POLR1A: variants seen among roughly 807,000 people sequenced by gnomAD.
The protein encoded by POLR1A is RNA polymerase I subunit A.
Under a neutral mutation model 205.3 loss-of-function variants are expected in POLR1A, and 84 were observed. The observed-to-expected ratio is 0.41, with a 90% CI of 0.34 to 0.49. The LOEUF is 0.49. Ranked by LOEUF, POLR1A falls within the 20% of genes least tolerant of loss-of-function variation. The pLI, the probability that POLR1A is intolerant of heterozygous loss-of-function variation, is 0.22. For synonymous variants in POLR1A, 799 were observed against 863.7 expected (o/e 0.93, Z 1.31); for missense variants, 1,645 against 2,204.5 (o/e 0.75, Z 5.08).
rs1690197743 is a variant in POLR1A, at chr2:86,023,591, T to C, written c.*3832A>G. On this transcript the variant is annotated 3_prime_UTR_variant, in exon 34 of 34. Transcript: ENST00000263857. Reference sequence around the variant, plus strand: ...GCTACTATTAACAAGAACAAGGATGTGGAGAAATTGAAATTGTTGTACACC... The same window carrying C: ...GCTACTATTAACAAGAACAAGGATGCGGAGAAATTGAAATTGTTGTACACC... 6.6e-6 allele frequency: 1 copy of C among 152,110 alleles called. No individual in the cohort carries two copies. Among genetic ancestry groups the C allele is most frequent in the African/African-American group, 2.4e-5 (1 of 41,412 alleles). The allele number at this position is 152,110 out of a possible 1,614,324, so 9.4% of individuals were successfully genotyped here. A position where few individuals can be genotyped will look rare whatever the true frequency, so the allele number is the denominator to read the frequency against.
chr2:86,063,217 C>A (rs181542857), intron 14 of POLR1A, among the ~76,000 whole-genome samples: 5 of 151,542 alleles, frequency 3.3e-5, no homozygotes, highest in Admixed American at 6.6e-5. Context: ...TGCTTGTAAT[C>A]CCAGCTACTT....
Position 86,021,187 on chromosome 2 carries a change from T to A in POLR1A, c.*6236A>T, listed in dbSNP as rs1016994797. 6.6e-6 allele frequency: 1 copy of A among 152,264 alleles called. No homozygotes were observed. The highest frequency in any genetic ancestry group is 1.5e-5 in the Non-Finnish European group (1 of 68,056). The allele number at this position is 152,264 out of a possible 1,614,324, so 9.4% of individuals were successfully genotyped here. A position where few individuals can be genotyped will look rare whatever the true frequency, so the allele number is the denominator to read the frequency against. The stretch of plus-strand genomic sequence containing the variant: ...CTGAGGACTGTGGTGTCTGAAACTT[T>A]GTCACATGGGAGGCTACAGGCCCGG... On this transcript the variant is annotated 3_prime_UTR_variant, in exon 34 of 34. Transcript: ENST00000263857.
At chr2:86,036,603 A>G (rs562009157) in intron 27 of POLR1A, among the ~76,000 whole-genome samples, 47 of 152,278 alleles carry the variant, frequency 3.1e-4, no homozygotes, top group African/African-American at 1.1e-3. Flanking sequence ...ACTTCCTCCC[A>G]TTTCCTGTGG....
At chr2:86,102,152 A>G (rs896921848) in intron 1 of POLR1A, among the ~76,000 whole-genome samples, 5 of 152,230 alleles carry the variant, frequency 3.3e-5, no homozygotes, top group African/African-American at 1.2e-4. Flanking sequence ...ATACACATCC[A>G]GAAGTAGAAT....
intron 27 of POLR1A, among the ~76,000 whole-genome samples, chr2:86,034,662 C>T (rs1040463094): frequency 1.3e-5 from 2 of 152,172 alleles, no homozygotes; most frequent in African/African-American, 2.4e-5. Flanking sequence ...GGGTCCCTCA[C>T]ACATCCAGCC....
At chr2:86,045,164 T>C (rs778793319) in intron 21 of POLR1A, 114 bp downstream of exon 21, 1 of 710,072 alleles carries the variant, frequency 1.4e-6, no homozygotes, top group Non-Finnish European at 2.5e-6. Context: ...ATGGAAACTT[T>C]CCAAAAGTTT....
At chr2:86,085,395 A>T (rs1403172860) in intron 6 of POLR1A, among the ~76,000 whole-genome samples, 2 of 152,244 alleles carry the variant, frequency 1.3e-5, no homozygotes, top group Admixed American at 1.3e-4. Context: ...AGAATATTTC[A>T]ATGAGTTAAC....
At chr2:86,067,933 T>C (rs1212065463) in intron 13 of POLR1A, among the ~76,000 whole-genome samples, 12 of 152,220 alleles carry the variant, frequency 7.9e-5, no homozygotes, top group African/African-American at 1.4e-4. Flanking sequence ...TAAGCTTTTT[T>C]CAATAAATTA....
intron 16 of POLR1A, 135 bp downstream of exon 16, chr2:86,052,682 A>C (rs1350781162): frequency 6.1e-6 from 4 of 653,350 alleles, no homozygotes; most frequent in Non-Finnish European, 7.3e-6. Context: ...GGACCTGGAA[A>C]GACTTCTCCA....
chr2:86,096,030 C>T (rs966025863), intron 3 of POLR1A, among the ~76,000 whole-genome samples: 1 of 151,660 alleles, frequency 6.6e-6, no homozygotes, highest in Non-Finnish European at 1.5e-5. Context: ...ACCCAGCCGA[C>T]ATAATCTCAT....
At chr2:86,088,021 C>T (rs1052339758) in intron 6 of POLR1A, among the ~76,000 whole-genome samples, 4 of 152,094 alleles carry the variant, frequency 2.6e-5, no homozygotes, top group Non-Finnish European at 5.9e-5. Context: ...AAGCCTATGA[C>T]TATAAAAATT....
chr2:86,040,581 C>T (rs765693807), intron 24 of POLR1A, 22 bp from the exon 25 acceptor site: 7 of 1,518,358 alleles, frequency 4.6e-6, no homozygotes, highest in Non-Finnish European at 5.3e-6. Flanking sequence ...GGTGGGGGGT[C>T]AGGGTGGGGG....
At chr2:86,063,911 C>A (rs1490922975) in intron 14 of POLR1A, among the ~76,000 whole-genome samples, 1 of 152,214 alleles carries the variant, frequency 6.6e-6, no homozygotes, top group Non-Finnish European at 1.5e-5. Flanking sequence ...TCATCTACTT[C>A]AGAATGCTTT....
Position 86,038,839 on chromosome 2 carries a change from C to T in POLR1A, c.3895G>A (p.Val1299Ile), listed in dbSNP as rs751377255. The T allele has an allele frequency of 8.7e-6, 14 of 1,614,068 alleles. No homozygotes were observed. The highest frequency in any genetic ancestry group is 6.7e-5 in the East Asian group (3 of 44,884). Reference protein sequence around the residue: ...CLGEVLQKIDVQESFCMEEKQ... With the variant: ...CLGEVLQKIDIQESFCMEEKQ... Reference sequence around the variant, plus strand: ...TCTTCCATACAGAAGGACTCCTGGACGTCAATTTTCTGCAACACCTGGAAC... The same window carrying T: ...TCTTCCATACAGAAGGACTCCTGGATGTCAATTTTCTGCAACACCTGGAAC... Residue 1299 changes from valine (V) to isoleucine (I), a missense_variant, in exon 27 of 34, where the codon GTC (valine) becomes ATC (isoleucine). Around this residue, in one of 16 missense-constraint regions of POLR1A, gnomAD observed 394 missense variants for 468.5 expected, o/e 0.84. Transcript: ENST00000263857.
At chr2:86,038,934 C>T (rs1343205077) in intron 26 of POLR1A, 77 bp from the exon 27 acceptor site, 3 of 1,363,700 alleles carry the variant, frequency 2.2e-6, no homozygotes, top group African/African-American at 1.4e-5. Flanking sequence ...GTTACGAGAC[C>T]CAAGGGTTTA....
chr2:86,042,643 C>A (rs900532585), intron 23 of POLR1A, among the ~76,000 whole-genome samples: 4 of 152,220 alleles, frequency 2.6e-5, no homozygotes, highest in Admixed American at 2.6e-4. Context: ...CTCAACCCCC[C>A]TCTAGTGGGT....
intron 3 of POLR1A, among the ~76,000 whole-genome samples, chr2:86,094,621 A>G (rs574814496): frequency 8.5e-5 from 13 of 152,242 alleles, no homozygotes; most frequent in Non-Finnish European, 1.5e-4. Context: ...AGGGGAAAAT[A>G]CATGTGTACA....
chr2:86,040,532 C>A lies in POLR1A; in HGVS notation c.3600G>T (p.Trp1200Cys). 1 of 1,594,870 alleles carries A rather than the reference C, an allele frequency of 6.3e-7. No homozygotes were observed. Among genetic ancestry groups the A allele is most frequent in the Non-Finnish European group, 8.5e-7 (1 of 1,170,472 alleles). Residue 1200 changes from tryptophan (W) to cysteine (C), a missense_variant, in exon 25 of 34, where the codon TGG becomes TGT. Physicochemically the swap from Trp to Cys is radical, Grantham distance 215. Around this residue, in one of 16 missense-constraint regions of POLR1A, gnomAD observed 201 missense variants for 222.3 expected, o/e 0.90. Coordinates refer to ENST00000263857, the MANE Select transcript of POLR1A (RefSeq NM_015425.6). ...DRLRTLLQLKWQRSLCEPGEA... is the reference protein window; with the variant it reads ...DRLRTLLQLKCQRSLCEPGEA... ...CGCCCGGCTCACACAGTGAGCGCTG[C>A]CACTTCAGCTGCAGCAAGGTCCTCA...
chr2:86,035,029 C>A (rs1052875697), intron 27 of POLR1A, among the ~76,000 whole-genome samples: 15 of 152,100 alleles, frequency 9.9e-5, no homozygotes, highest in Non-Finnish European at 2.1e-4. Context: ...CACCACCATG[C>A]CCGACTAATT....
Sources: allele counts gnomAD v4.1 joint callset (sites outside exome capture counted in the v4.1 genomes callset), GRCh38; gene constraint gnomAD v4.1.1; regional missense constraint gnomAD v4.1.1; transcripts MANE v1.5; gene names NCBI Gene and HGNC (gene_info 2026-07-23, HGNC 2026-07-21).